The following RAB7A variants were observed in gnomAD, a reference collection of about 807,000 sequenced individuals.
RAB7A encodes ras-related protein Rab-7a.
RAB7A carries 2 observed loss-of-function variants against 24.5 expected under a neutral mutation model. That is an observed-to-expected ratio of 0.08 (90% CI 0.03 to 0.26). The LOEUF (loss-of-function observed/expected upper bound fraction) is 0.26, where lower values mean the gene tolerates loss of function less well. Among genes scored for constraint, RAB7A ranks in the 10% least tolerant of loss-of-function variants. The probability of loss-of-function intolerance (pLI) is 1.00; values close to 1 mark genes in which losing one functional copy is unlikely to be tolerated. For missense variants in RAB7A, 118 were observed against 255.7 expected (o/e 0.46, Z 3.67); for synonymous variants, 100 against 95.9 (o/e 1.04, Z -0.25).
rs1217563584 is a variant in RAB7A, at chr3:128,807,574, A to G, written c.431A>G (p.Tyr144Cys). ...ACAAAGCGGGCACAGGCCTGGTGCTACAGCAAAAACAACATTCCCTACTTT... is the reference window on the plus strand; with the variant it reads ...ACAAAGCGGGCACAGGCCTGGTGCTGCAGCAAAAACAACATTCCCTACTTT... ...VATKRAQAWC[Y>C]SKNNIPYFET... The change falls in exon 5 of 6, where the codon TAC becomes TGC. Residue 144 changes from tyrosine to cysteine, a missense_variant. Physicochemically the swap from Tyr to Cys is radical, Grantham distance 194. Transcript: ENST00000265062. The G allele has an allele frequency of 6.2e-7, 1 of 1,614,192 alleles. No homozygotes were observed. Among genetic ancestry groups the G allele is most frequent in the Non-Finnish European group, 8.5e-7 (1 of 1,180,024 alleles).
chr3:128,802,886 C>A (rs1672652813), intron 3 of RAB7A, among the ~76,000 whole-genome samples: 4 of 152,122 alleles, frequency 2.6e-5, no homozygotes, highest in Admixed American at 2.6e-4. Flanking sequence ...CTCACTGCAA[C>A]CTCTGCCTCC....
chr3:128,737,028 T>A (rs2070495919), intron 1 of RAB7A, among the ~76,000 whole-genome samples: 1 of 106,370 alleles, frequency 9.4e-6, no homozygotes. Flanking sequence ...CTTCCGATCC[T>A]AAGAAATTTA....
chr3:128,745,430 C>T (rs1350638895), intron 1 of RAB7A, among the ~76,000 whole-genome samples: 1 of 152,274 alleles, frequency 6.6e-6, no homozygotes, highest in East Asian at 1.9e-4. Flanking sequence ...GTGGCATGAT[C>T]TCAGCTCACT....
At chr3:128,772,123 A>C (rs925408548) in intron 1 of RAB7A, among the ~76,000 whole-genome samples, 1 of 152,246 alleles carries the variant, frequency 6.6e-6, no homozygotes, top group East Asian at 1.9e-4. Flanking sequence ...GCAGACATAC[A>C]TGTAGTAATG....
intron 1 of RAB7A, among the ~76,000 whole-genome samples, chr3:128,767,294 A>G (rs913690792): frequency 6.6e-6 from 1 of 152,180 alleles, no homozygotes; most frequent in Non-Finnish European, 1.5e-5. Context: ...GGTTTAAGAT[A>G]GAAGAGGAAG....
At chr3:128,764,703 T>C (rs1576283796) in intron 1 of RAB7A, 1 of 808,040 alleles carries the variant, frequency 1.2e-6, no homozygotes, top group South Asian at 1.3e-5. Context: ...TTTCCAAATG[T>C]GATGCACACT....
rs1933991730 is a variant in RAB7A, at chr3:128,814,271, AG to A, written c.*850del. ...TTTATCAAAGACTTAAGAGCCAAAA[AG>A]CTTTTCATCTCTCCAGGGGGAAAAC... is the stretch of plus-strand genomic sequence containing the variant. On this transcript the variant is annotated 3_prime_UTR_variant, in exon 6 of 6. Transcript: ENST00000265062. 1 of 152,938 alleles carries A rather than the reference AG, an allele frequency of 6.5e-6. No homozygotes were observed. Among genetic ancestry groups the A allele is most frequent in the Non-Finnish European group, 1.5e-5 (1 of 68,124 alleles). 9.5% of individuals were successfully genotyped at this position (152,938 alleles called of 1,614,324 possible).
At chr3:128,730,430 G>T (rs951819610) in intron 1 of RAB7A, among the ~76,000 whole-genome samples, 1 of 151,974 alleles carries the variant, frequency 6.6e-6, no homozygotes, top group African/African-American at 2.4e-5. Flanking sequence ...GGGTTTCACC[G>T]TGTTAGCCAG....
chr3:128,805,855 T>G (rs1189992557), intron 3 of RAB7A, among the ~76,000 whole-genome samples: 1 of 152,182 alleles, frequency 6.6e-6, no homozygotes, highest in Non-Finnish European at 1.5e-5. Context: ...TTTCTCCATG[T>G]TGGTCAGGCT....
At chr3:128,732,652 G>A (rs1315461039) in intron 1 of RAB7A, among the ~76,000 whole-genome samples, 1 of 152,050 alleles carries the variant, frequency 6.6e-6, no homozygotes, top group Non-Finnish European at 1.5e-5. Flanking sequence ...AACAAAGTAA[G>A]ACTCCATCTC....
chr3:128,778,371 T>A (rs1231064432), intron 1 of RAB7A, among the ~76,000 whole-genome samples: 1 of 152,190 alleles, frequency 6.6e-6, no homozygotes, highest in East Asian at 1.9e-4. Context: ...ATGTCTCCCC[T>A]GCTTCAATGA....
At chr3:128,759,256 C>T (rs1210964603) in intron 1 of RAB7A, among the ~76,000 whole-genome samples, 3 of 152,136 alleles carry the variant, frequency 2.0e-5, no homozygotes, top group Admixed American at 6.6e-5. Flanking sequence ...TGTATTAGCT[C>T]CTCATAATGT....
intron 5 of RAB7A, among the ~76,000 whole-genome samples, chr3:128,809,655 G>T (rs1357769375): frequency 2.6e-5 from 4 of 152,150 alleles, no homozygotes; most frequent in African/African-American, 9.7e-5. Context: ...GTCTACCTCA[G>T]ATTTTTCTGT....
At chr3:128,737,046 A>AT (rs11425942) in intron 1 of RAB7A, among the ~76,000 whole-genome samples, 124,172 of 151,860 alleles carry the variant, frequency 0.82, 51,343 homozygotes, top group East Asian at 0.96. Flanking sequence ...TTATTTATTT[A>AT]TTATTTTTTG....
At chr3:128,728,899 G>T (rs927838541) in intron 1 of RAB7A, among the ~76,000 whole-genome samples, 1 of 152,140 alleles carries the variant, frequency 6.6e-6, no homozygotes, top group African/African-American at 2.4e-5. Context: ...AAAGTTTAAT[G>T]TAGCACTGAT....
intron 1 of RAB7A, among the ~76,000 whole-genome samples, chr3:128,781,756 G>A (rs1395646205): frequency 6.6e-6 from 1 of 152,096 alleles, no homozygotes; most frequent in Admixed American, 6.6e-5. Flanking sequence ...GTGGCTTACT[G>A]TAATCCCAGC....
chr3:128,737,023 G>A (rs767469838), intron 1 of RAB7A, among the ~76,000 whole-genome samples: 3 of 134,010 alleles, frequency 2.2e-5, no homozygotes, highest in Non-Finnish European at 4.7e-5. Flanking sequence ...ATCACCTTCC[G>A]ATCCTAAGAA....
intron 1 of RAB7A, among the ~76,000 whole-genome samples, chr3:128,760,039 G>T (rs2070765452): frequency 6.6e-6 from 1 of 152,104 alleles, no homozygotes; most frequent in Non-Finnish European, 1.5e-5. Context: ...CAATTTGACT[G>T]GTCCTCAGGT....
chr3:128,768,759 C>T (rs981069172), intron 1 of RAB7A, among the ~76,000 whole-genome samples: 22 of 149,278 alleles, frequency 1.5e-4, no homozygotes, highest in Non-Finnish European at 2.1e-4. Context: ...GACAATGTCT[C>T]ACTTTGTTGT....
Sources: gnomAD v4.1 joint callset for allele counts (sites outside exome capture counted in the v4.1 genomes callset) on GRCh38, gnomAD v4.1.1 for gene constraint, MANE v1.5 for transcripts, NCBI Gene and HGNC (gene_info 2026-07-23, HGNC 2026-07-21) for gene names.